PCOLCE2: variants seen among roughly 807,000 people sequenced by gnomAD.
PCOLCE2 encodes the protein procollagen C-endopeptidase enhancer 2, also known as procollagen C-proteinase enhancer 2.
Under a neutral mutation model 47.0 loss-of-function variants are expected in PCOLCE2, and 42 were observed. That is an observed-to-expected ratio of 0.89 (90% CI 0.70 to 1.16). PCOLCE2 has a LOEUF of 1.16. Ranked by LOEUF, PCOLCE2 falls within the 50% of genes most tolerant of loss-of-function variation. The probability of loss-of-function intolerance (pLI) is 0.00; values close to 1 mark genes in which losing one functional copy is unlikely to be tolerated. For synonymous variants in PCOLCE2, 169 were observed against 191.7 expected (o/e 0.88, Z 0.98); for missense variants, 500 against 526.1 (o/e 0.95, Z 0.49).
chr3:142,838,479 C>G (rs1371118695), intron 5 of PCOLCE2, among the ~76,000 whole-genome samples: 1 of 152,140 alleles, frequency 6.6e-6, no homozygotes, highest in Non-Finnish European at 1.5e-5. Flanking sequence ...TGTGTGCTCC[C>G]TCTTTCCTTT....
chr3:142,829,784 G>T lies in PCOLCE2; in HGVS notation c.773C>A (p.Ala258Glu), dbSNP rs1937124880. ...IQFLSDLSLTADGFIGHYIFR... is the reference protein window; with the variant it reads ...IQFLSDLSLTEDGFIGHYIFR... ...TATGTAGTGACCAATAAACCCATCT[G>T]CAGTTAAACTTAAGTCTGATAAAAA... Residue 258 changes from alanine to glutamate, a missense_variant, in exon 6 of 9, where the codon GCA (alanine) becomes GAA (glutamate). Coordinates refer to ENST00000295992, the MANE Select transcript of PCOLCE2 (RefSeq NM_013363.4). 2.5e-6 allele frequency: 4 copies of T among 1,606,008 alleles called. No homozygotes were observed. Among genetic ancestry groups the T allele is most frequent in the African/African-American group, 1.3e-5 (1 of 74,744 alleles).
chr3:142,889,038 C>T lies in PCOLCE2; in HGVS notation c.-142G>A. The T allele has an allele frequency of 2.5e-6, 1 of 404,432 alleles. No individual in the cohort carries two copies. Among genetic ancestry groups the T allele is most frequent in the South Asian group, 1.2e-4 (1 of 8,476 alleles). 25.1% of individuals were successfully genotyped at this position (404,432 alleles called of 1,614,324 possible). A position where few individuals can be genotyped will look rare whatever the true frequency, so the allele number is the denominator to read the frequency against. On this transcript the variant is annotated 5_prime_UTR_variant, in exon 1 of 9. Transcript: ENST00000295992. The stretch of plus-strand genomic sequence containing the variant: ...GCGCTCGGCTGCCCGCGCGCTCCCT[C>T]TCACGCGCGCACCGCCGCGGGGCGG...
chr3:142,847,742 G>C (rs1255173798), intron 3 of PCOLCE2, among the ~76,000 whole-genome samples: 1 of 150,670 alleles, frequency 6.6e-6, no homozygotes, highest in African/African-American at 2.5e-5. Context: ...TCACCATTTT[G>C]CCCAGGCTGG....
intron 2 of PCOLCE2, among the ~76,000 whole-genome samples, chr3:142,854,482 A>G (rs1933027668): frequency 6.6e-6 from 1 of 152,222 alleles, no homozygotes; most frequent in Non-Finnish European, 1.5e-5. Flanking sequence ...GATCTTATTC[A>G]TCTATATTCT....
intron 2 of PCOLCE2, among the ~76,000 whole-genome samples, chr3:142,882,589 A>ATTATTTTTTTTTTTTTTTTTTTTTTT (rs1188049251): frequency 6.6e-6 from 1 of 151,640 alleles, no homozygotes; most frequent in African/African-American, 2.4e-5. Flanking sequence ...TTATTATTAT[A>ATTATTTTTTTTTTTTTTTTTTTTTTT]CTTTAGAGAA....
chr3:142,848,895 T>G (rs942669655), intron 2 of PCOLCE2, among the ~76,000 whole-genome samples: 10 of 152,334 alleles, frequency 6.6e-5, no homozygotes, highest in Non-Finnish European at 1.5e-4. Context: ...GGCTCACATC[T>G]GTAATCCCAG....
At chr3:142,820,807 C>T in intron 8 of PCOLCE2, 71 bp downstream of exon 8, 1 of 1,354,820 alleles carries the variant, frequency 7.4e-7, no homozygotes, top group African/African-American at 1.4e-5. Context: ...CCTGATTTTA[C>T]TTCCCTAGAC....
At chr3:142,843,454 A>G (rs1937290587) in intron 3 of PCOLCE2, 1 of 317,610 alleles carries the variant, frequency 3.1e-6, no homozygotes, top group Non-Finnish European at 6.1e-6. Context: ...TGATATAGAC[A>G]GCTCTCATTA....
At position 142,856,239 on chromosome 3, in the gene PCOLCE2, G is replaced by A. The variant is rs529047589; in HGVS notation, c.193-7767C>T. ...TAGATGATTTGGAGCAACCACAAAG[G>A]GGAGAAAATTCAGAATCATCGAGGC... is the stretch of plus-strand genomic sequence containing the variant. On this transcript the variant is annotated intron_variant, in intron 2 of 8. Transcript: ENST00000295992. 6.6e-5 allele frequency among the ~76,000 whole-genome samples: 10 copies of A among 152,216 alleles called. No homozygotes were observed. In the South Asian group the frequency reaches 1.2e-3, roughly 19 times the overall value.
At chr3:142,887,625 C>G (rs200038456) in intron 2 of PCOLCE2, 44 bp downstream of exon 2, 115 of 992,502 alleles carry the variant, frequency 1.2e-4, no homozygotes, top group Non-Finnish European at 1.7e-4. Flanking sequence ...CACACTGTTG[C>G]CAACACCCAC....
In PCOLCE2 at chr3:142,834,432, A is replaced by G. The variant is rs569795554; in HGVS notation, c.710+4338T>C. 5.3e-5 allele frequency among the ~76,000 whole-genome samples: 8 copies of G among 152,350 alleles called. No individual in the cohort carries two copies. In the South Asian group the frequency reaches 1.7e-3, roughly 32 times the overall value. ...ATTTAGCTCTTTTAAAATATATTTT[A>G]GCAAGGTTTTATAATTTTCCCTATT... On this transcript the variant is annotated intron_variant, in intron 5 of 8. Coordinates refer to ENST00000295992, the MANE Select transcript of PCOLCE2 (RefSeq NM_013363.4).
chr3:142,833,176 AT>A (rs144905725), intron 5 of PCOLCE2, among the ~76,000 whole-genome samples: 30 of 150,130 alleles, frequency 2.0e-4, no homozygotes, highest in Admixed American at 7.3e-4. Flanking sequence ...TACAGTGTGC[AT>A]TTTTTTTTTC....
In PCOLCE2 at chr3:142,868,626, T is replaced by C. The variant is rs574376120; in HGVS notation, c.192+19043A>G. On this transcript the variant is annotated intron_variant, in intron 2 of 8. Transcript: ENST00000295992. ...GCCCTGACTCATTCTCCACCTTGCA[T>C]AACCATTTTTTTCCCCTGCCAAAGC... Among the ~76,000 whole-genome samples the C allele has an allele frequency of 3.3e-5, 5 of 152,260 alleles. No homozygotes were observed. In the South Asian group the frequency reaches 1.0e-3, roughly 32 times the overall value.
intron 2 of PCOLCE2, among the ~76,000 whole-genome samples, chr3:142,852,214 G>A (rs1227709872): frequency 1.3e-5 from 2 of 152,126 alleles, no homozygotes; most frequent in Non-Finnish European, 2.9e-5. Flanking sequence ...TTTTCAGTAT[G>A]ACACAACATC....
intron 2 of PCOLCE2, among the ~76,000 whole-genome samples, chr3:142,871,832 G>A (rs530141199): frequency 1.1e-3 from 172 of 152,118 alleles, no homozygotes; most frequent in African/African-American, 4.1e-3. Flanking sequence ...ATATGTACTT[G>A]TATTAATATA....
chr3:142,818,829 T>G (rs929265299), intron 8 of PCOLCE2, among the ~76,000 whole-genome samples: 1 of 152,250 alleles, frequency 6.6e-6, no homozygotes, highest in African/African-American at 2.4e-5. Flanking sequence ...ACCAGGAAGC[T>G]GGACTGAGTG....
intron 2 of PCOLCE2, among the ~76,000 whole-genome samples, chr3:142,852,647 A>ATGTG (rs35154183): frequency 0.016 from 2,335 of 144,764 alleles, 62 homozygotes; most frequent in African/African-American, 0.053. Flanking sequence ...GCTGATCAAA[A>ATGTG]TGTGTGTGTG....
intron 6 of PCOLCE2, among the ~76,000 whole-genome samples, chr3:142,826,208 C>T (rs374199480): frequency 1.2e-3 from 187 of 152,056 alleles, no homozygotes; most frequent in South Asian, 7.7e-3. Context: ...GGGGTTTCAC[C>T]GTGTTAGCCA....
At chr3:142,860,704 G>A (rs919227872) in intron 2 of PCOLCE2, among the ~76,000 whole-genome samples, 1 of 152,244 alleles carries the variant, frequency 6.6e-6, no homozygotes, top group African/African-American at 2.4e-5. Context: ...CACCACTCCC[G>A]GCCCATGCCT....
Sources: allele counts gnomAD v4.1 joint callset (sites outside exome capture counted in the v4.1 genomes callset), GRCh38; gene constraint gnomAD v4.1.1; transcripts MANE v1.5; gene names NCBI Gene and HGNC (gene_info 2026-07-23, HGNC 2026-07-21).